The following MITF variants were observed in gnomAD, a reference collection of about 807,000 sequenced individuals.
The protein encoded by MITF is melanocyte inducing transcription factor.
A neutral mutation model predicts 60.5 loss-of-function variants in MITF; 17 were observed. The ratio of observed to expected loss-of-function variants is 0.28; its 90% confidence interval spans 0.19 to 0.42. MITF has a LOEUF of 0.42. Among genes scored for constraint, MITF ranks in the 10% least tolerant of loss-of-function variants. The pLI is 1.00. For missense variants in MITF, 622 were observed against 683.5 expected, an observed-to-expected ratio of 0.91 and a Z score of 1.00; for synonymous variants, 260 against 248.5, an observed-to-expected ratio of 1.05 and a Z score of -0.43.
At position 69,964,957 on chromosome 3, in the gene MITF, C is replaced by A. The variant is rs982952310; in HGVS notation, c.1290C>A (p.Asn430Lys). 3 of 1,614,066 alleles carry A rather than the reference C, an allele frequency of 1.9e-6. No homozygotes were observed. The highest frequency in any genetic ancestry group is 2.5e-6 in the Non-Finnish European group (3 of 1,180,044). The part of the protein sequence containing the change: ...RIIKQEPVLE[N>K]CSQDLLQHHA... ...TCAAGCAAGAACCCGTTCTTGAGAA[C>A]TGCAGCCAAGACCTCCTTCAGCATC... Residue 430 changes from asparagine to lysine, a missense_variant, in exon 10 of 10, where the codon AAC (asparagine) becomes AAA (lysine). Coordinates refer to ENST00000352241, the MANE Select transcript of MITF (RefSeq NM_001354604.2).
At chr3:69,921,187 C>A (rs922382386) in intron 2 of MITF, among the ~76,000 whole-genome samples, 2 of 152,278 alleles carry the variant, frequency 1.3e-5, no homozygotes, top group African/African-American at 4.8e-5. Context: ...GCTGTTTTAT[C>A]ATGGAGAATT....
intron 1 of MITF, among the ~76,000 whole-genome samples, chr3:69,753,651 A>C (rs1704019237): frequency 6.6e-6 from 1 of 152,250 alleles, no homozygotes. Flanking sequence ...TTCTTGCACT[A>C]GTGAGCCCTG....
At chr3:69,745,859 G>A (rs1247847017) in intron 1 of MITF, among the ~76,000 whole-genome samples, 1 of 152,184 alleles carries the variant, frequency 6.6e-6, no homozygotes, top group Admixed American at 6.5e-5. Flanking sequence ...CTTAGGGTTG[G>A]TAGAACTTTT....
chr3:69,829,403 C>A (rs1253037545), intron 1 of MITF, among the ~76,000 whole-genome samples: 2 of 152,120 alleles, frequency 1.3e-5, no homozygotes, highest in African/African-American at 4.8e-5. Flanking sequence ...TGTCCCCTAA[C>A]CTTTAAGCCA....
chr3:69,936,895 C>T (rs1261962623), intron 2 of MITF: 3 of 724,750 alleles, frequency 4.1e-6, no homozygotes, highest in Admixed American at 2.5e-5. Flanking sequence ...TTATTTGATG[C>T]CATAAGAAGT....
chr3:69,818,280 C>T (rs890796851), intron 1 of MITF, among the ~76,000 whole-genome samples: 3 of 152,142 alleles, frequency 2.0e-5, no homozygotes, highest in Admixed American at 1.3e-4. Flanking sequence ...TTTTTTCTTT[C>T]TTTCTGTTAT....
At chr3:69,953,587 GTA>G (rs900726957) in intron 7 of MITF, among the ~76,000 whole-genome samples, 20 of 147,350 alleles carry the variant, frequency 1.4e-4, no homozygotes, top group Non-Finnish European at 1.9e-4. Context: ...GTGTATGTGT[GTA>G]TATATATATA....
chr3:69,753,672 A>G (rs2106777022), intron 1 of MITF, among the ~76,000 whole-genome samples: 1 of 152,338 alleles, frequency 6.6e-6, no homozygotes, highest in African/African-American at 2.4e-5. Flanking sequence ...GATGTGAGAC[A>G]TAGAGTCAAA....
At chr3:69,844,140 T>C (rs961603595) in intron 1 of MITF, among the ~76,000 whole-genome samples, 9 of 152,198 alleles carry the variant, frequency 5.9e-5, no homozygotes, top group African/African-American at 2.2e-4. Flanking sequence ...ATCCAGTCTA[T>C]TATTGATGGA....
At chr3:69,880,141 A>G (rs767285165) in intron 2 of MITF, among the ~76,000 whole-genome samples, 30 of 152,148 alleles carry the variant, frequency 2.0e-4, no homozygotes, top group Admixed American at 5.9e-4. Flanking sequence ...GAACTTCCTT[A>G]TTTTTAGTTT....
chr3:69,843,900 C>T (rs972464724), intron 1 of MITF, among the ~76,000 whole-genome samples: 4 of 152,114 alleles, frequency 2.6e-5, no homozygotes, highest in African/African-American at 4.8e-5. Context: ...CCTAGTCCCC[C>T]GCCCCACGAT....
intron 5 of MITF, among the ~76,000 whole-genome samples, chr3:69,945,905 C>T (rs956328691): frequency 5.3e-5 from 8 of 152,166 alleles, no homozygotes; most frequent in African/African-American, 7.2e-5. Context: ...CTTGCAGATT[C>T]CCTGATTTCT....
At chr3:69,945,855 G>A (rs565233663) in intron 5 of MITF, among the ~76,000 whole-genome samples, 2 of 152,282 alleles carry the variant, frequency 1.3e-5, no homozygotes, top group Non-Finnish European at 2.9e-5. Flanking sequence ...CAGCTCTAGT[G>A]TGGAATGCCT....
At chr3:69,946,479 C>T (rs1203960799) in intron 5 of MITF, among the ~76,000 whole-genome samples, 1 of 152,144 alleles carries the variant, frequency 6.6e-6, no homozygotes, top group Non-Finnish European at 1.5e-5. Context: ...ACGTGAGCCT[C>T]CGACCAAAAA....
chr3:69,895,808 T>TTGTGTGTGTGTGTGTGTG (rs35088149), intron 2 of MITF, among the ~76,000 whole-genome samples: 1 of 140,052 alleles, frequency 7.1e-6, no homozygotes, highest in Non-Finnish European at 1.5e-5. Context: ...TGTGGAGTGT[T>TTGTGTGTGTGTGTGTGTG]TGTGTGTGTG....
intron 2 of MITF, among the ~76,000 whole-genome samples, chr3:69,890,911 T>C (rs2064745340): frequency 6.6e-6 from 1 of 152,188 alleles, no homozygotes; most frequent in Non-Finnish European, 1.5e-5. Context: ...AAAGTCACAT[T>C]CTTGTGCAAT....
At chr3:69,788,552 T>C (rs2062689095) in intron 1 of MITF, among the ~76,000 whole-genome samples, 1 of 152,136 alleles carries the variant, frequency 6.6e-6, no homozygotes, top group Non-Finnish European at 1.5e-5. Flanking sequence ...TGGTAGAAGA[T>C]TGAAAGAGAA....
At chr3:69,770,910 A>T (rs552342072) in intron 1 of MITF, among the ~76,000 whole-genome samples, 3 of 152,324 alleles carry the variant, frequency 2.0e-5, no homozygotes, top group African/African-American at 7.2e-5. Context: ...CATTTGGGAA[A>T]TGAAATGTTC....
intron 1 of MITF, among the ~76,000 whole-genome samples, chr3:69,753,092 T>C (rs1393740783): frequency 6.6e-6 from 1 of 152,194 alleles, no homozygotes; most frequent in Non-Finnish European, 1.5e-5. Context: ...GACTGAGTCG[T>C]TTCCTGGGCC....
Sources: allele counts gnomAD v4.1 joint callset (sites outside exome capture counted in the v4.1 genomes callset), GRCh38; gene constraint gnomAD v4.1.1; transcripts MANE v1.5; gene names NCBI Gene and HGNC (gene_info 2026-07-23, HGNC 2026-07-21).